Variants in ATR observed in about 807,000 individuals in gnomAD.
ATR encodes ATR checkpoint kinase.
ATR carries 142 observed loss-of-function variants against 305.3 expected under a neutral mutation model. The ratio of observed to expected loss-of-function variants is 0.47; its 90% CI spans 0.41 to 0.53. ATR has a LOEUF of 0.53. Ranked by LOEUF, ATR falls within the 20% of genes least tolerant of loss-of-function variation. ATR has a pLI of 0.00. For synonymous variants in ATR, 1,050 were observed against 1,068.1 expected (o/e 0.98, Z 0.33); for missense variants, 2,135 against 3,133.1 (o/e 0.68, Z 7.60).
chr3:142,566,805 G>A (rs111472906), intron 2 of ATR, among the ~76,000 whole-genome samples: 2,721 of 151,472 alleles, frequency 0.018, 29 homozygotes, highest in South Asian at 0.041. Flanking sequence ...GTGTAGTGGT[G>A]TGATCTTGGC....
chr3:142,477,504 T>C (rs1225514954), intron 36 of ATR, among the ~76,000 whole-genome samples: 3 of 152,232 alleles, frequency 2.0e-5, no homozygotes, highest in East Asian at 3.9e-4. Flanking sequence ...CAGTATTTTA[T>C]TGAGGATTTT....
At chr3:142,514,192 A>G (rs889746819) in intron 25 of ATR, among the ~76,000 whole-genome samples, 23 of 151,430 alleles carry the variant, frequency 1.5e-4, no homozygotes, top group Admixed American at 3.3e-4. Flanking sequence ...AGAACCACTT[A>G]AACCCGGGAG....
At chr3:142,543,935 T>A (rs1167030314) in intron 16 of ATR, among the ~76,000 whole-genome samples, 1 of 151,996 alleles carries the variant, frequency 6.6e-6, no homozygotes, top group African/African-American at 2.4e-5. Flanking sequence ...CCTCTCAGAG[T>A]GCTGGGATTT....
In ATR at chr3:142,535,113, A is replaced by C; in HGVS notation, c.3912T>G (p.Leu1304=). 6.2e-7 allele frequency: 1 copy of C among 1,613,092 alleles called. No homozygotes were observed. Among genetic ancestry groups the C allele is most frequent in the South Asian group, 1.1e-5 (1 of 91,050 alleles). Residue 1304 remains leucine, a synonymous_variant, in exon 21 of 47, where the codon CTT becomes CTG. Transcript: ENST00000350721. Reference sequence around the variant, plus strand: ...TATACAAGGTTTCCTTCAAGCTTGTAAGAGCATGAATACGAACATCGACAT... The same window carrying C: ...TATACAAGGTTTCCTTCAAGCTTGTCAGAGCATGAATACGAACATCGACAT... ...HENVDVRIHA[L]TSLKETLYKN... is the part of the protein sequence containing the mutation.
chr3:142,557,218 C>T (rs188907585), intron 8 of ATR, among the ~76,000 whole-genome samples: 24 of 152,102 alleles, frequency 1.6e-4, no homozygotes, highest in African/African-American at 5.5e-4. Context: ...CGCTCCATTT[C>T]TAACAAGTCC....
chr3:142,523,140 G>T (rs1205866944), intron 22 of ATR, among the ~76,000 whole-genome samples: 1 of 152,116 alleles, frequency 6.6e-6, no homozygotes, highest in Non-Finnish European at 1.5e-5. Context: ...GCAAAATGTA[G>T]GCCAGGCATG....
chr3:142,518,258 C>A (rs1052400824), intron 24 of ATR, among the ~76,000 whole-genome samples: 1 of 152,214 alleles, frequency 6.6e-6, no homozygotes, highest in African/African-American at 2.4e-5. Context: ...TGTGATGGCT[C>A]ATGCCTGCAA....
intron 1 of ATR, among the ~76,000 whole-genome samples, chr3:142,570,882 T>C (rs948158057): frequency 2.0e-5 from 3 of 152,064 alleles, no homozygotes; most frequent in African/African-American, 4.8e-5. Context: ...TGAAGAGAAG[T>C]AGAGTTGGTG....
At chr3:142,534,525 GTAA>G (rs909368042) in intron 21 of ATR, among the ~76,000 whole-genome samples, 2 of 152,062 alleles carry the variant, frequency 1.3e-5, no homozygotes, top group African/African-American at 4.8e-5. Flanking sequence ...GCAAAAATGA[GTAA>G]TTCCGTTAAA....
chr3:142,490,961 C>T (rs1047016199), intron 35 of ATR, among the ~76,000 whole-genome samples: 1 of 151,642 alleles, frequency 6.6e-6, no homozygotes, highest in South Asian at 2.1e-4. Flanking sequence ...TTAAAGATTG[C>T]CATTTGGGTA....
chr3:142,499,028 C>G (rs1349678414), intron 31 of ATR: 1 of 520,412 alleles, frequency 1.9e-6, no homozygotes, highest in Non-Finnish European at 3.5e-6. Flanking sequence ...AGGCATGAGC[C>G]ACCATGCCCA....
intron 21 of ATR, among the ~76,000 whole-genome samples, chr3:142,528,210 C>T (rs6440087): frequency 0.63 from 95,802 of 152,078 alleles, 31,109 homozygotes; most frequent in African/African-American, 0.79. Flanking sequence ...CAAGGTGTAA[C>T]GTCTGACATA....
At chr3:142,571,793 C>T (rs1306701280) in intron 1 of ATR, among the ~76,000 whole-genome samples, 1 of 152,138 alleles carries the variant, frequency 6.6e-6, no homozygotes, top group Non-Finnish European at 1.5e-5. Flanking sequence ...TACAGAGTCT[C>T]GCTCTGTCGG....
rs1246681734 is a variant in ATR, at chr3:142,547,586, A to G, written c.3357+139T>C. 1.5e-5 allele frequency: 15 copies of G among 980,076 alleles called. 1 individual carries two copies. The highest frequency in any genetic ancestry group is 5.0e-5 in the African/African-American group (3 of 60,554). The allele number at this position is 980,076 out of a possible 1,614,324, so 60.7% of individuals were successfully genotyped here. A position where few individuals can be genotyped will look rare whatever the true frequency, so the allele number is the denominator to read the frequency against. On this transcript the variant is annotated intron_variant, in intron 16 of 46. Transcript: ENST00000350721. The stretch of plus-strand genomic sequence containing the variant: ...CACGTGATTTAAATCAGCCTTTTCA[A>G]AATAAAAATACCAACTTAAAATTTA...
intron 19 of ATR, among the ~76,000 whole-genome samples, chr3:142,536,903 C>T (rs2033881157): frequency 1.3e-5 from 2 of 152,156 alleles, no homozygotes. Context: ...GAAAAAAATA[C>T]ATAAATAATC....
chr3:142,548,529 C>T (rs544725658), intron 15 of ATR, among the ~76,000 whole-genome samples: 14 of 152,026 alleles, frequency 9.2e-5, no homozygotes, highest in Non-Finnish European at 1.9e-4. Context: ...ATTAGCCAGG[C>T]CTGGTGGCAG....
At chr3:142,476,785 A>G (rs2071467657) in intron 36 of ATR, among the ~76,000 whole-genome samples, 1 of 152,124 alleles carries the variant, frequency 6.6e-6, no homozygotes, top group South Asian at 2.1e-4. Flanking sequence ...AATGGTTTGT[A>G]GTTCTCCTTG....
At chr3:142,511,896 C>G (rs551393667) in intron 27 of ATR, among the ~76,000 whole-genome samples, 2 of 151,902 alleles carry the variant, frequency 1.3e-5, no homozygotes, top group African/African-American at 4.8e-5. Flanking sequence ...GATAGATCAC[C>G]TGAGGTCAGG....
At position 142,523,979 on chromosome 3, in the gene ATR, T is replaced by C. The variant is rs775063596; in HGVS notation, c.4152+14A>G. The C allele has an allele frequency of 6.2e-7, 1 of 1,610,354 alleles. No individual in the cohort carries two copies. The highest frequency in any genetic ancestry group is 8.5e-7 in the Non-Finnish European group (1 of 1,176,672). On this transcript the variant is annotated intron_variant, in intron 22 of 46. Transcript: ENST00000350721. ...CAGAGAACTCTTTTGTCATTCCAAA[T>C]TTCCACTACTTACCACAAATGTAAA...
Sources: gnomAD v4.1 joint callset for allele counts (sites outside exome capture counted in the v4.1 genomes callset) on GRCh38, gnomAD v4.1.1 for gene constraint, MANE v1.5 for transcripts, NCBI Gene and HGNC (gene_info 2026-07-23, HGNC 2026-07-21) for gene names.